Variants in CMSS1 observed in about 807,000 individuals in gnomAD.
The protein encoded by CMSS1 is protein CMSS1.
Under a neutral mutation model 43.5 loss-of-function variants are expected in CMSS1, and 33 were observed. The observed-to-expected ratio is 0.76, with a 90% confidence interval of 0.57 to 1.01. The LOEUF is 1.01. Ranked by LOEUF, CMSS1 falls within the 50% of genes least tolerant of loss-of-function variation. The pLI is 0.00. For synonymous variants in CMSS1, 115 were observed against 117.2 expected, an observed-to-expected ratio of 0.98 and a Z score of 0.12; for missense variants, 313 against 326.4, an observed-to-expected ratio of 0.96 and a Z score of 0.32.
chr3:99,828,525 A>G (rs541815835), intron 1 of CMSS1, among the ~76,000 whole-genome samples: 8 of 145,800 alleles, frequency 5.5e-5, no homozygotes, highest in African/African-American at 2.0e-4. Flanking sequence ...GATCATGCTC[A>G]CTGCAGCCTC....
At chr3:99,901,696 A>G (rs1309575155) in intron 1 of CMSS1, among the ~76,000 whole-genome samples, 2 of 152,196 alleles carry the variant, frequency 1.3e-5, no homozygotes, top group Admixed American at 1.3e-4. Context: ...CTCTACTCTC[A>G]GCCAAGTGAT....
In CMSS1 at chr3:99,929,283, C is replaced by T. The variant is rs577094451; in HGVS notation, c.64+111240C>T. ...TTTGCCGTTGTAATTGCTAGGTACG[C>T]TTGGTGAGGGAAAGGTCTTTGCTGT... On this transcript the variant is annotated intron_variant, in intron 1 of 9. Transcript: ENST00000421999. Among the ~76,000 whole-genome samples the T allele has an allele frequency of 3.3e-5, 5 of 152,264 alleles. No individual in the cohort carries two copies. The South Asian group carries it at 8.3e-4, about 25-fold the overall frequency.
chr3:99,869,428 A>T (rs957427514), intron 1 of CMSS1, among the ~76,000 whole-genome samples: 1 of 152,214 alleles, frequency 6.6e-6, no homozygotes, highest in Non-Finnish European at 1.5e-5. Context: ...TAATGTATTT[A>T]TTTTAATAAT....
chr3:99,827,425 C>T (rs898377046), intron 1 of CMSS1, among the ~76,000 whole-genome samples: 2 of 152,148 alleles, frequency 1.3e-5, no homozygotes, highest in African/African-American at 4.8e-5. Flanking sequence ...CTCCTGGCCT[C>T]ATGTGATCTG....
intron 1 of CMSS1, among the ~76,000 whole-genome samples, chr3:100,095,318 G>T (rs1559755793): frequency 6.6e-6 from 1 of 151,910 alleles, no homozygotes; most frequent in Non-Finnish European, 1.5e-5. Flanking sequence ...TATCAATTAG[G>T]GATAAATCGA....
At chr3:100,142,549 C>T (rs1376981879) in intron 1 of CMSS1, among the ~76,000 whole-genome samples, 1 of 152,180 alleles carries the variant, frequency 6.6e-6, no homozygotes, top group Non-Finnish European at 1.5e-5. Flanking sequence ...CAATCCCCCA[C>T]AGATACCAAG....
At position 100,104,651 on chromosome 3, in the gene CMSS1, C is replaced by T. The variant is rs140945117; in HGVS notation, c.65-42322C>T. ...GAATCTAAAAGTTAAGCTTGAGGGC[C>T]TTTTCCTGTTTTGCAGGAGTAGTAG... On this transcript the variant is annotated intron_variant, in intron 1 of 9. Transcript: ENST00000421999. Among the ~76,000 whole-genome samples, 1,100 of 152,226 alleles carry T rather than the reference C, an allele frequency of 7.2e-3. 18 individuals are homozygous for T. The highest frequency in any genetic ancestry group is 0.024 in the African/African-American group (1,014 of 41,538).
chr3:99,951,499 C>A (rs1322183691), intron 1 of CMSS1, among the ~76,000 whole-genome samples: 1 of 152,146 alleles, frequency 6.6e-6, no homozygotes, highest in African/African-American at 2.4e-5. Flanking sequence ...AGTCCAGTCT[C>A]CCTGGTAAAA....
chr3:99,970,325 C>G (rs1287143122), intron 1 of CMSS1, among the ~76,000 whole-genome samples: 1 of 152,232 alleles, frequency 6.6e-6, no homozygotes, highest in African/African-American at 2.4e-5. Context: ...CCACCTTACC[C>G]TCACTGCCCT....
At chr3:100,097,399 TTA>T (rs1347664624) in intron 1 of CMSS1, among the ~76,000 whole-genome samples, 2 of 152,210 alleles carry the variant, frequency 1.3e-5, no homozygotes, top group Non-Finnish European at 2.9e-5. Context: ...CTGTGCTATT[TTA>T]TATCACTGAC....
chr3:100,163,264 C>A (rs992755867), intron 4 of CMSS1, among the ~76,000 whole-genome samples: 3 of 152,172 alleles, frequency 2.0e-5, no homozygotes, highest in Middle Eastern at 3.2e-3. Context: ...CTATTATAGA[C>A]AAGAACTTTA....
chr3:99,827,474 G>T (rs181512926), intron 1 of CMSS1, among the ~76,000 whole-genome samples: 1,765 of 152,260 alleles, frequency 0.012, 12 homozygotes, highest in Non-Finnish European at 0.02. Context: ...TTACAGGTGT[G>T]AGTCACCGCA....
intron 1 of CMSS1, among the ~76,000 whole-genome samples, chr3:100,032,013 G>A (rs2065029883): frequency 6.6e-6 from 1 of 151,778 alleles, no homozygotes; most frequent in African/African-American, 2.4e-5. Flanking sequence ...AATTTTTTCA[G>A]CTGTTTAAAA....
At chr3:99,904,690 C>T (rs374335610) in intron 1 of CMSS1, among the ~76,000 whole-genome samples, 50 of 152,078 alleles carry the variant, frequency 3.3e-4, no homozygotes, top group African/African-American at 1.2e-3. Context: ...GCTAATTTTA[C>T]CCCATTATCA....
intron 1 of CMSS1, among the ~76,000 whole-genome samples, chr3:100,113,387 C>CTTCTGTGGGG (rs1311381735): frequency 6.6e-6 from 1 of 152,226 alleles, no homozygotes; most frequent in African/African-American, 2.4e-5. Context: ...ATCCAGTCAT[C>CTTCTGTGGGG]TTCTGTGGGG....
intron 1 of CMSS1, among the ~76,000 whole-genome samples, chr3:99,830,966 C>A (rs1232933652): frequency 3.3e-5 from 5 of 152,290 alleles, no homozygotes; most frequent in South Asian, 2.1e-4. Context: ...TTTAAGAGTG[C>A]TTCATGAAGA....
intron 1 of CMSS1, among the ~76,000 whole-genome samples, chr3:100,033,683 A>G (rs1282611867): frequency 2.6e-5 from 4 of 152,154 alleles, no homozygotes; most frequent in African/African-American, 9.7e-5. Flanking sequence ...ATAAGTTCAG[A>G]AAGTGCCTCT....
Position 100,178,682 on chromosome 3 carries a change from G to T in CMSS1, c.*294G>T. The T allele has an allele frequency of 3.9e-6, 1 of 256,190 alleles. No homozygotes were observed. The highest frequency in any genetic ancestry group is 7.5e-6 in the Non-Finnish European group (1 of 132,516). 15.9% of individuals were successfully genotyped at this position (256,190 alleles called of 1,614,324 possible). On this transcript the variant is annotated 3_prime_UTR_variant, in exon 10 of 10. Transcript: ENST00000421999. ...GTGCAGGAGAAAGGAAAGAGCAGCT[G>T]GGTGACCTTAGGCAAGCGTAAGGTC...
chr3:99,859,936 G>C (rs1008154899), intron 1 of CMSS1, among the ~76,000 whole-genome samples: 1 of 152,062 alleles, frequency 6.6e-6, no homozygotes, highest in African/African-American at 2.4e-5. Flanking sequence ...CAAGTCAAAG[G>C]TTTTCTAAAA....
Sources: gnomAD v4.1 joint callset for allele counts (sites outside exome capture counted in the v4.1 genomes callset) on GRCh38, gnomAD v4.1.1 for gene constraint, MANE v1.5 for transcripts, NCBI Gene and HGNC (gene_info 2026-07-23, HGNC 2026-07-21) for gene names.